The following CNTNAP2 variants were observed in gnomAD, a reference collection of about 807,000 sequenced individuals.
The protein encoded by CNTNAP2 is contactin associated protein 2, also known as contactin-associated protein-like 2.
In CNTNAP2, 98 loss-of-function variants were observed where a neutral mutation model predicts 155.2. That is an observed-to-expected ratio of 0.63 (90% CI 0.54 to 0.75). The LOEUF (loss-of-function observed/expected upper bound fraction) is 0.75. CNTNAP2 is among the 30% of genes least tolerant of loss of function. The probability of loss-of-function intolerance (pLI) is 0.00; values close to 1 mark genes in which losing one functional copy is unlikely to be tolerated. For synonymous variants in CNTNAP2, 651 were observed against 631.2 expected (o/e 1.03, Z -0.47); for missense variants, 1,727 against 1,688.1 (o/e 1.02, Z -0.40).
chr7:146,581,659 CA>C (rs11331896), intron 1 of CNTNAP2, among the ~76,000 whole-genome samples: 67,740 of 144,866 alleles, frequency 0.47, 15,489 homozygotes, highest in South Asian at 0.56. Flanking sequence ...CCATTTTTAG[CA>C]AAAAAAAAAA....
rs180978042 is a variant in CNTNAP2, at chr7:147,319,582, C to T, written c.1498+19292C>T. On this transcript the variant is annotated intron_variant, in intron 9 of 23. Coordinates refer to ENST00000361727, the MANE Select transcript of CNTNAP2 (RefSeq NM_014141.6). ...TAGTAGAGATGAGGTTTCACCATGT[C>T]GGCCAGGCTTGTTTAGAACTCCTGA... Among the ~76,000 whole-genome samples the T allele has an allele frequency of 8.5e-5, 13 of 152,086 alleles. No individual in the cohort carries two copies. In the East Asian group the frequency reaches 1.7e-3, roughly 20 times the overall value.
At chr7:146,282,697 T>C (rs931410815) in intron 1 of CNTNAP2, among the ~76,000 whole-genome samples, 3 of 152,180 alleles carry the variant, frequency 2.0e-5, no homozygotes, top group African/African-American at 7.2e-5. Flanking sequence ...TCCCTATCAG[T>C]TAAAGGTAGG....
In CNTNAP2 at chr7:147,163,380, A is replaced by G. The variant is rs563177771; in HGVS notation, c.1348+30871A>G. Among the ~76,000 whole-genome samples the G allele has an allele frequency of 3.7e-4, 57 of 152,348 alleles. 1 individual carries two copies. In the East Asian group the frequency reaches 8.9e-3, roughly 24 times the overall value. On this transcript the variant is annotated intron_variant, in intron 8 of 23. Coordinates refer to ENST00000361727, the MANE Select transcript of CNTNAP2 (RefSeq NM_014141.6). ...TTACTAGTAACTTAAAAGATGTGGC[A>G]TATCTTTTTAGTATGCTATTTTTAA...
chr7:146,308,818 G>A (rs1800768167), intron 1 of CNTNAP2, among the ~76,000 whole-genome samples: 1 of 151,908 alleles, frequency 6.6e-6, no homozygotes, highest in African/African-American at 2.4e-5. Flanking sequence ...CACATACCGG[G>A]GCCTGTTGTA....
chr7:146,705,584 A>G (rs138001652), intron 1 of CNTNAP2, among the ~76,000 whole-genome samples: 281 of 150,428 alleles, frequency 1.9e-3, no homozygotes, highest in Non-Finnish European at 2.9e-3. Context: ...GAGACTGGAT[A>G]ATTTATAACG....
chr7:146,952,436 A>G (rs929768599), intron 3 of CNTNAP2, among the ~76,000 whole-genome samples: 6 of 152,134 alleles, frequency 3.9e-5, no homozygotes, highest in African/African-American at 1.4e-4. Flanking sequence ...CAGGGCAATC[A>G]GGCAAGGAAA....
chr7:147,559,038 A>C (rs931072579), intron 11 of CNTNAP2, among the ~76,000 whole-genome samples: 6 of 152,112 alleles, frequency 3.9e-5, no homozygotes, highest in Non-Finnish European at 5.9e-5. Context: ...GCCCGGCCTA[A>C]TATTTTTTAA....
At chr7:148,059,306 A>G (rs1803085200) in intron 15 of CNTNAP2, among the ~76,000 whole-genome samples, 1 of 151,546 alleles carries the variant, frequency 6.6e-6, no homozygotes, top group Non-Finnish European at 1.5e-5. Flanking sequence ...AACAAAAACA[A>G]AAGGTCTGGC....
intron 6 of CNTNAP2, 66 bp downstream of exon 6, chr7:147,121,229 GTATTATTGTTAATTA>G (rs1801105694): frequency 6.7e-7 from 1 of 1,484,142 alleles, no homozygotes; most frequent in African/African-American, 1.4e-5. Context: ...CTACTGTATT[GTATTATTGTTAATTA>G]TATTACTACT....
At chr7:147,642,597 CTGTT>C (rs1795297587) in intron 13 of CNTNAP2, among the ~76,000 whole-genome samples, 2 of 152,102 alleles carry the variant, frequency 1.3e-5, no homozygotes, top group Admixed American at 1.3e-4. Flanking sequence ...ATTAAGCACT[CTGTT>C]AGTTGCATTT....
At chr7:147,106,930 A>T (rs77857813) in intron 4 of CNTNAP2, among the ~76,000 whole-genome samples, 4,779 of 152,214 alleles carry the variant, frequency 0.031, 233 homozygotes, top group African/African-American at 0.1. Context: ...AAATGAGAAA[A>T]TATTTCTCTG....
intron 11 of CNTNAP2, among the ~76,000 whole-genome samples, chr7:147,505,439 C>T (rs908679806): frequency 3.9e-5 from 6 of 152,020 alleles, no homozygotes; most frequent in Non-Finnish European, 8.8e-5. Context: ...GCAAAAATCT[C>T]TTTTATTATT....
At chr7:147,477,223 A>T (rs1798338911) in intron 10 of CNTNAP2, among the ~76,000 whole-genome samples, 2 of 152,268 alleles carry the variant, frequency 1.3e-5, no homozygotes, top group South Asian at 4.1e-4. Flanking sequence ...TATGAATTTA[A>T]ATTTAAAATT....
chr7:146,874,091 C>T (rs12703845), intron 3 of CNTNAP2, among the ~76,000 whole-genome samples: 37,635 of 151,634 alleles, frequency 0.25, 4,847 homozygotes, highest in Non-Finnish European at 0.29. Context: ...GAGGGTTACT[C>T]TTAAATTCTC....
chr7:147,743,013 TG>T (rs1796978731), intron 13 of CNTNAP2, among the ~76,000 whole-genome samples: 1 of 152,212 alleles, frequency 6.6e-6, no homozygotes, highest in Non-Finnish European at 1.5e-5. Context: ...AAGTCTATGC[TG>T]GCTGTCATAA....
intron 13 of CNTNAP2, among the ~76,000 whole-genome samples, chr7:147,851,868 C>G (rs962383274): frequency 3.3e-5 from 5 of 151,828 alleles, no homozygotes; most frequent in African/African-American, 4.8e-5. Flanking sequence ...ATGTAATAAA[C>G]CTGCACGTTG....
At chr7:146,368,650 G>A (rs140012746) in intron 1 of CNTNAP2, among the ~76,000 whole-genome samples, 37 of 152,174 alleles carry the variant, frequency 2.4e-4, no homozygotes, top group Non-Finnish European at 3.5e-4. Context: ...TACTAATGTA[G>A]TAAGATGCAC....
chr7:148,145,850 A>C (rs541583096), intron 16 of CNTNAP2, among the ~76,000 whole-genome samples: 1 of 152,256 alleles, frequency 6.6e-6, no homozygotes, highest in Admixed American at 6.5e-5. Context: ...AGGGGCTTCT[A>C]ATTTAGATGA....
chr7:147,535,190 T>G (rs1584797338), intron 11 of CNTNAP2, among the ~76,000 whole-genome samples: 1 of 152,120 alleles, frequency 6.6e-6, no homozygotes, highest in South Asian at 2.1e-4. Context: ...GTCAGGAGTT[T>G]GAGACCAGCC....
Sources: gnomAD v4.1 joint callset for allele counts (sites outside exome capture counted in the v4.1 genomes callset) on GRCh38, gnomAD v4.1.1 for gene constraint, MANE v1.5 for transcripts, NCBI Gene and HGNC (gene_info 2026-07-23, HGNC 2026-07-21) for gene names.